The following UNC13C variants were observed in gnomAD, a reference collection of about 807,000 sequenced individuals.
UNC13C encodes the protein protein unc-13 homolog C.
In UNC13C, 174 loss-of-function variants were observed where a neutral mutation model predicts 245.4. That is an observed-to-expected ratio of 0.71 (90% CI 0.63 to 0.80). The LOEUF is 0.80. UNC13C is among the 30% of genes least tolerant of loss of function. The probability of loss-of-function intolerance (pLI) is 0.00; values close to 1 mark genes in which losing one functional copy is unlikely to be tolerated. For missense variants in UNC13C, 2,829 were observed against 2,602.9 expected (o/e 1.09, Z -1.89); for synonymous variants, 992 against 895.1 (o/e 1.11, Z -1.93).
At chr15:54,455,513 C>G (rs1463541386) in intron 19 of UNC13C, among the ~76,000 whole-genome samples, 2 of 147,276 alleles carry the variant, frequency 1.4e-5, no homozygotes. Flanking sequence ...CACATCCACA[C>G]CAACATCTGC....
At chr15:54,138,895 G>C (rs917084375) in intron 2 of UNC13C, among the ~76,000 whole-genome samples, 1 of 139,796 alleles carries the variant, frequency 7.2e-6, no homozygotes, top group Non-Finnish European at 1.5e-5. Flanking sequence ...GCTTGTGGAA[G>C]CATCACTAAT....
chr15:53,848,441 A>G, the UNC13C span, among the ~76,000 whole-genome samples: 1 of 152,160 alleles, frequency 6.6e-6, no homozygotes, highest in South Asian at 2.1e-4. Flanking sequence ...CATAGATAGT[A>G]TTCTGTTTTA....
intron 26 of UNC13C, among the ~76,000 whole-genome samples, chr15:54,536,985 A>G (rs1896012144): frequency 6.6e-6 from 1 of 152,138 alleles, no homozygotes; most frequent in African/African-American, 2.4e-5. Flanking sequence ...AACCAAAGCA[A>G]TCAGGCAAGA....
At chr15:54,068,099 G>A (rs1898152613) in intron 2 of UNC13C, among the ~76,000 whole-genome samples, 1 of 152,146 alleles carries the variant, frequency 6.6e-6, no homozygotes, top group Admixed American at 6.6e-5. Flanking sequence ...TGATTTTTCA[G>A]GAGGGCCTTT....
At position 54,075,567 on chromosome 15, in the gene UNC13C, A is replaced by G. The variant is rs971032736; in HGVS notation, c.2983+59681A>G. 2.7e-5 allele frequency among the ~76,000 whole-genome samples: 4 copies of G among 148,518 alleles called. No individual in the cohort carries two copies. The South Asian group carries it at 8.3e-4, about 31-fold the overall frequency. On this transcript the variant is annotated intron_variant, in intron 2 of 32. Transcript: ENST00000260323. The stretch of plus-strand genomic sequence containing the variant: ...ACTCTGTCTCAAAAAAAAAAAAAAA[A>G]AAAAAAAAAAAGGAGTGTCCAAAAC...
intron 2 of UNC13C, among the ~76,000 whole-genome samples, chr15:54,061,658 G>C (rs760508735): frequency 1.6e-4 from 25 of 152,184 alleles, no homozygotes; most frequent in Non-Finnish European, 3.4e-4. Context: ...GTGGAGAAAA[G>C]AGGGTGAGTT....
chr15:54,343,334 C>T (rs915170271), intron 17 of UNC13C, among the ~76,000 whole-genome samples: 136 of 152,068 alleles, frequency 8.9e-4, no homozygotes, highest in African/African-American at 3.1e-3. Flanking sequence ...GGTTTCACCA[C>T]GTTAGCCAGG....
At chr15:54,337,011 A>G (rs1279447822) in intron 16 of UNC13C, among the ~76,000 whole-genome samples, 1 of 152,200 alleles carries the variant, frequency 6.6e-6, no homozygotes, top group Non-Finnish European at 1.5e-5. Flanking sequence ...GAGAACTGAC[A>G]TTTTAACAAT....
chr15:54,144,670 C>T (rs371486966), intron 4 of UNC13C, among the ~76,000 whole-genome samples: 1 of 152,102 alleles, frequency 6.6e-6, no homozygotes, highest in South Asian at 2.1e-4. Context: ...CATTTAACAA[C>T]AAATGCTTTG....
At chr15:54,299,538 C>CTTTTT (rs1222914150) in intron 12 of UNC13C, among the ~76,000 whole-genome samples, 9 of 152,140 alleles carry the variant, frequency 5.9e-5, no homozygotes, top group Non-Finnish European at 1.3e-4. Context: ...CAGGCAAAAA[C>CTTTTT]ACTCACTTCC....
At chr15:53,989,493 T>G (rs1894288508) in intron 1 of UNC13C, among the ~76,000 whole-genome samples, 1 of 152,070 alleles carries the variant, frequency 6.6e-6, no homozygotes, top group African/African-American at 2.4e-5. Flanking sequence ...TAACTCCTCT[T>G]GTTTTACCTA....
rs1468532568 is a variant in UNC13C, at chr15:54,239,800, G to A, written c.3228+2110G>A. Reference sequence around the variant, plus strand: ...TTTATGATGCCATGTAATATTTTGAGTATAGTTTGGGCACAAGACAAAGCA... The same window carrying A: ...TTTATGATGCCATGTAATATTTTGAATATAGTTTGGGCACAAGACAAAGCA... On this transcript the variant is annotated intron_variant, in intron 7 of 32. Transcript: ENST00000260323. Among the ~76,000 whole-genome samples, 4 of 152,184 alleles carry A rather than the reference G, an allele frequency of 2.6e-5. No homozygotes were observed. The South Asian group carries it at 6.2e-4, about 24-fold the overall frequency.
At chr15:54,043,977 A>G (rs573671055) in intron 2 of UNC13C, among the ~76,000 whole-genome samples, 1 of 152,328 alleles carries the variant, frequency 6.6e-6, no homozygotes, top group Non-Finnish European at 1.5e-5. Flanking sequence ...AAAATTCAAT[A>G]ATTTTTAGCA....
rs570765998 is a variant in UNC13C at position 54,098,340 on chromosome 15, A to G, written c.2984-44678A>G. On this transcript the variant is annotated intron_variant, in intron 2 of 32. Coordinates refer to ENST00000260323, the MANE Select transcript of UNC13C (RefSeq NM_001080534.3). Reference sequence around the variant, plus strand: ...CAGGCAAGTGCCACCACGCCTGGCTAATTTTTGTATTTTTAGTAGAGACGA... The same window carrying G: ...CAGGCAAGTGCCACCACGCCTGGCTGATTTTTGTATTTTTAGTAGAGACGA... 2.4e-4 allele frequency among the ~76,000 whole-genome samples: 36 copies of G among 152,088 alleles called. No homozygotes were observed. The East Asian group carries it at 6.2e-3, about 26-fold the overall frequency.
intron 23 of UNC13C, 90 bp from the exon 24 acceptor site, chr15:54,511,663 T>C (rs918189264): frequency 1.1e-5 from 9 of 838,280 alleles, no homozygotes; most frequent in African/African-American, 8.7e-5. Context: ...GAATCCAAGA[T>C]AGCTATTTTC....
chr15:54,086,269 C>G (rs1899233859), intron 2 of UNC13C, among the ~76,000 whole-genome samples: 1 of 152,146 alleles, frequency 6.6e-6, no homozygotes. Context: ...TTCCGTGTAG[C>G]CACTCCTATA....
intron 8 of UNC13C, among the ~76,000 whole-genome samples, chr15:54,252,658 A>G (rs968385347): frequency 6.6e-6 from 1 of 152,202 alleles, no homozygotes; most frequent in African/African-American, 2.4e-5. Flanking sequence ...TTTAAGCCAA[A>G]AAAATGGCAA....
At chr15:54,156,317 T>C (rs936995181) in intron 4 of UNC13C, among the ~76,000 whole-genome samples, 5 of 152,180 alleles carry the variant, frequency 3.3e-5, no homozygotes, top group African/African-American at 4.8e-5. Context: ...ACTCATTATC[T>C]TGAGGCTTAG....
chr15:53,864,612 A>G, the UNC13C span, among the ~76,000 whole-genome samples: 3 of 152,210 alleles, frequency 2.0e-5, no homozygotes, highest in South Asian at 2.1e-4. Context: ...ATATCCTTAC[A>G]TATTTCAGAT....
Sources: gnomAD v4.1 joint callset for allele counts (sites outside exome capture counted in the v4.1 genomes callset) on GRCh38, gnomAD v4.1.1 for gene constraint, MANE v1.5 for transcripts, NCBI Gene and HGNC (gene_info 2026-07-23, HGNC 2026-07-21) for gene names.